HDGFL3: variants seen among roughly 807,000 people sequenced by gnomAD.
The protein encoded by HDGFL3 is hepatoma-derived growth factor-related protein 3.
A neutral mutation model predicts 27.6 loss-of-function variants in HDGFL3; 6 were observed. The ratio of observed to expected loss-of-function variants is 0.22; its 90% CI spans 0.12 to 0.43. HDGFL3 has a LOEUF of 0.43. HDGFL3 is among the 20% of genes least tolerant of loss of function. The pLI, the probability that HDGFL3 is intolerant of heterozygous loss-of-function variation, is 1.00. For missense variants in HDGFL3, 207 were observed against 250.1 expected (o/e 0.83, Z 1.16); for synonymous variants, 88 against 88.9 (o/e 0.99, Z 0.05).
At chr15:83,150,048 G>C (rs765168531) in intron 5 of HDGFL3, among the ~76,000 whole-genome samples, 11 of 152,148 alleles carry the variant, frequency 7.2e-5, no homozygotes, top group African/African-American at 1.2e-4. Flanking sequence ...TTTCGGGCAG[G>C]TCTGAGATTC....
intron 4 of HDGFL3, among the ~76,000 whole-genome samples, chr15:83,152,786 G>T (rs1046195882): frequency 2.0e-5 from 3 of 151,674 alleles, no homozygotes; most frequent in Non-Finnish European, 2.9e-5. Context: ...TACCAGCCAA[G>T]CCCAAAATGT....
At position 83,139,273 on chromosome 15, in the gene HDGFL3, G is replaced by T. The variant is rs775528066; in HGVS notation, c.609C>A (p.Thr203=). 7.0e-7 allele frequency: 1 copy of T among 1,431,668 alleles called. No individual in the cohort carries two copies. The highest frequency in any genetic ancestry group is 9.3e-7 in the Non-Finnish European group (1 of 1,072,454). 88.7% of individuals were successfully genotyped at this position (1,431,668 alleles called of 1,614,324 possible). The part of the protein sequence containing the change: ...TSDLQKTSEG[T] ...TATGCAGCATTCATTATGGTAGTTAGGTCTGTAAAAAAAAAAAAAAGAAAG... is the reference window on the plus strand; with the variant it reads ...TATGCAGCATTCATTATGGTAGTTATGTCTGTAAAAAAAAAAAAAAGAAAG... The change falls in exon 6 of 6, where the codon ACC becomes ACA. Residue 203 remains threonine, a splice_region_variant and synonymous_variant. Transcript: ENST00000299633.
intron 1 of HDGFL3, among the ~76,000 whole-genome samples, chr15:83,198,092 T>C (rs986455825): frequency 1.4e-4 from 18 of 133,166 alleles, no homozygotes; most frequent in African/African-American, 5.4e-4. Context: ...ATTAATTATA[T>C]ATATAGTTGT....
In HDGFL3 at chr15:83,187,823, G is replaced by A. The variant is rs563379335; in HGVS notation, c.84+19508C>T. Among the ~76,000 whole-genome samples the A allele has an allele frequency of 2.7e-5, 4 of 149,518 alleles. No homozygotes were observed. The East Asian group carries it at 5.9e-4, about 22-fold the overall frequency. The stretch of plus-strand genomic sequence containing the variant: ...GAACTGATTGACCTGGGAGGCTGAG[G>A]TTGCAGTGAGCTGAGATTGTGCCAG... On this transcript the variant is annotated intron_variant, in intron 1 of 5. Transcript: ENST00000299633.
In HDGFL3 at chr15:83,135,091, C is replaced by A. The variant is rs2036522661; in HGVS notation, c.*4179G>T. The A allele has an allele frequency of 6.6e-6, 1 of 152,144 alleles. No individual in the cohort carries two copies. The highest frequency in any genetic ancestry group is 1.5e-5 in the Non-Finnish European group (1 of 68,024). 9.4% of individuals were successfully genotyped at this position (152,144 alleles called of 1,614,324 possible). A position where few individuals can be genotyped will look rare whatever the true frequency, so the allele number is the denominator to read the frequency against. ...AGACAATCCACGTGCTGGTCCTTGGCAATACATCATGCTAATTTAATTTAT... is the reference window on the plus strand; with the variant it reads ...AGACAATCCACGTGCTGGTCCTTGGAAATACATCATGCTAATTTAATTTAT... On this transcript the variant is annotated 3_prime_UTR_variant, in exon 6 of 6. Coordinates refer to ENST00000299633, the MANE Select transcript of HDGFL3 (RefSeq NM_016073.4).
At chr15:83,126,787 A>G, downstream of HDGFL3, 2 of 1,613,948 alleles carry the variant, frequency 1.2e-6, no homozygotes, top group Non-Finnish European at 1.7e-6. Context: ...AGCTCTGCCG[A>G]TTATATACGC....
At position 83,207,225 on chromosome 15, in the gene HDGFL3, GCGA is replaced by G; in HGVS notation, c.84+103_84+105del. 1 of 769,670 alleles carries G rather than the reference GCGA, an allele frequency of 1.3e-6. No individual in the cohort carries two copies. Among genetic ancestry groups the G allele is most frequent in the Non-Finnish European group, 1.8e-6 (1 of 557,456 alleles). The allele number at this position is 769,670 out of a possible 1,614,324, so 47.7% of individuals were successfully genotyped here. On this transcript the variant is annotated intron_variant, in intron 1 of 5. Transcript: ENST00000299633. The surrounding 1 kb of genome is among the most constrained non-coding windows in gnomAD (Gnocchi z 4.8). Reference sequence around the variant, plus strand: ...CCCTCAGCCCTCACCACAGCCGGCCGCGAGCTGCGGGCTCGGGGCTGAGGCGAT... The same window carrying G: ...CCCTCAGCCCTCACCACAGCCGGCCGGCTGCGGGCTCGGGGCTGAGGCGAT...
chr15:83,205,076 G>T (rs984299785), intron 1 of HDGFL3, among the ~76,000 whole-genome samples: 1 of 152,262 alleles, frequency 6.6e-6, no homozygotes, highest in South Asian at 2.1e-4. Context: ...CACATGAATG[G>T]CCTTCGTATC....
rs1287075463 is a variant in HDGFL3, at chr15:83,138,004, A to G, written c.*1266T>C. 1 of 147,222 alleles carries G rather than the reference A, an allele frequency of 6.8e-6. No individual in the cohort carries two copies. Among genetic ancestry groups the G allele is most frequent in the Non-Finnish European group, 1.5e-5 (1 of 66,210 alleles). The allele number at this position is 147,222 out of a possible 1,614,324, so 9.1% of individuals were successfully genotyped here. On this transcript the variant is annotated 3_prime_UTR_variant, in exon 6 of 6. Transcript: ENST00000299633. ...TAATCTAAAACCCAGAGAGTGTTTA[A>G]AAAAAAAAAAAGAAAGAAAAAGAAA...
chr15:83,187,336 T>C (rs1448139304), intron 1 of HDGFL3, among the ~76,000 whole-genome samples: 3 of 152,068 alleles, frequency 2.0e-5, no homozygotes, highest in Admixed American at 6.6e-5. Flanking sequence ...GCAGAGTTTT[T>C]TTTTTGTGTG....
At chr15:83,147,625 T>C (rs1419140623) in intron 5 of HDGFL3, among the ~76,000 whole-genome samples, 1 of 151,934 alleles carries the variant, frequency 6.6e-6, no homozygotes, top group Non-Finnish European at 1.5e-5. Context: ...CAGAACAGAA[T>C]AGAGAACCCA....
chr15:83,176,337 A>C (rs941936406), intron 1 of HDGFL3, among the ~76,000 whole-genome samples: 3 of 152,260 alleles, frequency 2.0e-5, no homozygotes, highest in African/African-American at 7.2e-5. Flanking sequence ...GGTAAGACTT[A>C]AGAAATCTAA....
At position 83,128,510 on chromosome 15, in the gene HDGFL3, TTGGGGTTTA is replaced by T. The variant is rs1347473696; in HGVS notation, c.*10751_*10759del. The T allele has an allele frequency of 1.3e-5, 2 of 152,238 alleles. No individual in the cohort carries two copies. Among genetic ancestry groups the T allele is most frequent in the Non-Finnish European group, 2.9e-5 (2 of 68,036 alleles). The allele number at this position is 152,238 out of a possible 1,614,324, so 9.4% of individuals were successfully genotyped here. On this transcript the variant is annotated 3_prime_UTR_variant, in exon 6 of 6. Transcript: ENST00000299633. ...CTCTAAATACCTGATTCCTCAGTCC[TTGGGGTTTA>T]TTTCTGTATTTTAGGTCTTTATCTT...
downstream of HDGFL3, among the ~76,000 whole-genome samples, chr15:83,123,897 A>C (rs2035493642): frequency 6.6e-6 from 1 of 152,262 alleles, no homozygotes; most frequent in South Asian, 2.1e-4. Context: ...TACAGTGCTG[A>C]CAGAAACATA....
chr15:83,175,600 C>A (rs1227644065), intron 1 of HDGFL3, among the ~76,000 whole-genome samples: 1 of 152,176 alleles, frequency 6.6e-6, no homozygotes, highest in Non-Finnish European at 1.5e-5. Context: ...TGGCTCATGC[C>A]TGTAATCCCA....
At chr15:83,149,635 G>A (rs559009450) in intron 5 of HDGFL3, among the ~76,000 whole-genome samples, 1 of 152,292 alleles carries the variant, frequency 6.6e-6, no homozygotes, top group African/African-American at 2.4e-5. Context: ...ACCTTTACAA[G>A]AGCAATTTCA....
At position 83,139,681 on chromosome 15, in the gene HDGFL3, T is replaced by G. The variant is rs192497541; in HGVS notation, c.607-406A>C. Among the ~76,000 whole-genome samples the G allele has an allele frequency of 3.7e-4, 57 of 152,298 alleles. 1 individual carries two copies. Among genetic ancestry groups the G allele is most frequent in the African/African-American group, 1.4e-3 (57 of 41,572 alleles). On this transcript the variant is annotated intron_variant, in intron 5 of 5. Transcript: ENST00000299633. The stretch of plus-strand genomic sequence containing the variant: ...AGCTGTGTAAAATTTAAAAAGCACT[T>G]AGAGTGTGCACCAATTAATCTTCAG...
chr15:83,189,072 A>G (rs1397697686), intron 1 of HDGFL3, among the ~76,000 whole-genome samples: 1 of 151,940 alleles, frequency 6.6e-6, no homozygotes, highest in Non-Finnish European at 1.5e-5. Context: ...AAAACATGTC[A>G]CCAAACTAAC....
chr15:83,113,521 G>A (rs1318177656), exon 4 of HDGFL3: 1 of 152,574 alleles, frequency 6.6e-6, no homozygotes, highest in African/African-American at 2.4e-5. Flanking sequence ...AGCTGCTACC[G>A]GCCTTTGAGC....
Sources: gnomAD v4.1 joint callset for allele counts (sites outside exome capture counted in the v4.1 genomes callset) on GRCh38, gnomAD v4.1.1 for gene constraint, Gnocchi (gnomAD v3.1) non-coding constraint, MANE v1.5 for transcripts, NCBI Gene and HGNC (gene_info 2026-07-23, HGNC 2026-07-21) for gene names.